APP: variants seen among roughly 807,000 people sequenced by gnomAD.
The protein encoded by APP is amyloid-beta precursor protein.
A neutral mutation model predicts 101.4 loss-of-function variants in APP; 31 were observed. The observed-to-expected ratio is 0.31, with a 90% CI of 0.23 to 0.41. The LOEUF is 0.41. Ranked by LOEUF, APP falls within the 10% of genes least tolerant of loss-of-function variation. The probability of loss-of-function intolerance (pLI) is 1.00; values close to 1 mark genes in which losing one functional copy is unlikely to be tolerated. For missense variants in APP, 839 were observed against 1,003.7 expected (o/e 0.84, Z 2.22); for synonymous variants, 366 against 364.4 (o/e 1.00, Z -0.05).
intron 5 of APP, among the ~76,000 whole-genome samples, chr21:26,043,307 C>A (rs1432056833): frequency 1.3e-5 from 2 of 152,124 alleles, no homozygotes; most frequent in African/African-American, 4.8e-5. Context: ...GCGATCTCAG[C>A]TCACTGCAAC....
chr21:26,065,816 ACTT>A (rs1439014851), intron 3 of APP, among the ~76,000 whole-genome samples: 1 of 152,178 alleles, frequency 6.6e-6, no homozygotes, highest in African/African-American at 2.4e-5. Context: ...CAATAACAGG[ACTT>A]CTTGTTACAA....
Position 26,145,422 on chromosome 21 carries a change from C to T in APP, c.57+25142G>A, listed in dbSNP as rs1027383768. Among the ~76,000 whole-genome samples the T allele has an allele frequency of 2.0e-5, 3 of 152,148 alleles. No homozygotes were observed. In the East Asian group the frequency reaches 5.8e-4, roughly 29 times the overall value. ...TGGACCAGGCAACCTGGATCCCTCC[C>T]ATGTTTAGTTCACAATAGGTTTTGT... On this transcript the variant is annotated intron_variant, in intron 1 of 17. Coordinates refer to ENST00000346798, the MANE Select transcript of APP (RefSeq NM_000484.4).
intron 13 of APP, among the ~76,000 whole-genome samples, chr21:25,953,037 T>C (rs1241163148): frequency 6.6e-6 from 1 of 152,220 alleles, no homozygotes; most frequent in Non-Finnish European, 1.5e-5. Context: ...CATAAATTCT[T>C]GCTCAACACT....
chr21:25,892,939 A>C (rs554908884), intron 16 of APP, among the ~76,000 whole-genome samples: 3 of 110,598 alleles, frequency 2.7e-5, no homozygotes, highest in African/African-American at 1.1e-4. Flanking sequence ...TAGTGCTTAC[A>C]GATAGTATTT....
chr21:25,999,047 T>C (rs542016514), intron 7 of APP, among the ~76,000 whole-genome samples: 10 of 152,314 alleles, frequency 6.6e-5, no homozygotes, highest in African/African-American at 2.4e-4. Flanking sequence ...TCCCAGCACT[T>C]TGGATGGCCA....
At chr21:25,965,918 C>T (rs45612537) in intron 11 of APP, among the ~76,000 whole-genome samples, 2 of 152,180 alleles carry the variant, frequency 1.3e-5, no homozygotes, top group South Asian at 2.1e-4. Context: ...TAAAACCATA[C>T]GGTGCTATGG....
intron 1 of APP, among the ~76,000 whole-genome samples, chr21:26,156,849 G>A (rs928972874): frequency 4.4e-5 from 5 of 113,572 alleles, no homozygotes; most frequent in Non-Finnish European, 8.8e-5. Context: ...TAACTATATG[G>A]GCTTCACGGG....
intron 14 of APP, among the ~76,000 whole-genome samples, chr21:25,905,507 A>G (rs1347992993): frequency 6.6e-6 from 1 of 152,236 alleles, no homozygotes; most frequent in Non-Finnish European, 1.5e-5. Context: ...AATTAACTAC[A>G]AAAGGACTCT....
At chr21:25,993,541 C>T (rs1321773312) in intron 8 of APP, among the ~76,000 whole-genome samples, 1 of 152,230 alleles carries the variant, frequency 6.6e-6, no homozygotes, top group Non-Finnish European at 1.5e-5. Context: ...ATAGTCAGGA[C>T]AGCAACAGCA....
At chr21:26,090,259 T>G (rs574948003) in intron 2 of APP, among the ~76,000 whole-genome samples, 187 bp from the exon 3 acceptor site, 10 of 152,160 alleles carry the variant, frequency 6.6e-5, no homozygotes, top group Non-Finnish European at 1.3e-4. Context: ...TACTTACTGG[T>G]TGAGCATCTG....
intron 5 of APP, among the ~76,000 whole-genome samples, chr21:26,022,425 C>T (rs1056837286): frequency 5.3e-5 from 8 of 152,056 alleles, no homozygotes; most frequent in African/African-American, 7.2e-5. Context: ...ATAATAGATA[C>T]ACAGCATTAA....
intron 16 of APP, among the ~76,000 whole-genome samples, chr21:25,895,689 TAA>T (rs1325632464): frequency 6.6e-6 from 1 of 152,202 alleles, no homozygotes; most frequent in Non-Finnish European, 1.5e-5. Flanking sequence ...AAGCAACTTC[TAA>T]AAGTGTTTTA....
intron 7 of APP, among the ~76,000 whole-genome samples, chr21:25,999,031 C>T (rs1263944627): frequency 6.6e-6 from 1 of 152,224 alleles, no homozygotes; most frequent in Non-Finnish European, 1.5e-5. Flanking sequence ...TGGCTCACGC[C>T]TGTAATCCCA....
chr21:25,947,616 T>A (rs913228901), intron 13 of APP, among the ~76,000 whole-genome samples: 19 of 152,206 alleles, frequency 1.2e-4, no homozygotes, highest in African/African-American at 4.1e-4. Flanking sequence ...CTCATGTCTG[T>A]TACTTAATAA....
At chr21:25,980,392 A>AT (rs2042383036) in intron 9 of APP, among the ~76,000 whole-genome samples, 1 of 152,206 alleles carries the variant, frequency 6.6e-6, no homozygotes, top group African/African-American at 2.4e-5. Flanking sequence ...TTCAGTGGCA[A>AT]TAAGTATGAT....
chr21:26,126,390 C>G (rs1027799467), intron 1 of APP, among the ~76,000 whole-genome samples: 4 of 152,120 alleles, frequency 2.6e-5, no homozygotes, highest in Admixed American at 6.5e-5. Flanking sequence ...GAAGGTAAAT[C>G]CCCAAATATC....
chr21:25,986,100 T>A (rs2042626405), intron 8 of APP, among the ~76,000 whole-genome samples: 1 of 152,208 alleles, frequency 6.6e-6, no homozygotes, highest in Non-Finnish European at 1.5e-5. Flanking sequence ...ACTACCATTT[T>A]GTGATTATGT....
chr21:25,992,074 G>C (rs1002226259), intron 8 of APP, among the ~76,000 whole-genome samples: 2 of 152,154 alleles, frequency 1.3e-5, no homozygotes, highest in Admixed American at 1.3e-4. Flanking sequence ...TTTGTTTCAT[G>C]AACAAAATTA....
intron 6 of APP, 54 bp downstream of exon 6, chr21:26,021,786 A>G (rs1355551540): frequency 6.2e-6 from 10 of 1,601,172 alleles, no homozygotes; most frequent in Non-Finnish European, 8.5e-6. Context: ...CAACTCTGGT[A>G]TTACGCTTTC....
Sources: gnomAD v4.1 joint callset for allele counts (sites outside exome capture counted in the v4.1 genomes callset) on GRCh38, gnomAD v4.1.1 for gene constraint, MANE v1.5 for transcripts, NCBI Gene and HGNC (gene_info 2026-07-23, HGNC 2026-07-21) for gene names.